RBM22: variants seen among roughly 807,000 people sequenced by gnomAD.
The protein encoded by RBM22 is pre-mRNA-splicing factor RBM22.
A neutral mutation model predicts 50.1 loss-of-function variants in RBM22; 1 was observed. That is an observed-to-expected ratio of 0.02 (90% CI 0.01 to 0.09). RBM22 has a LOEUF of 0.09. Ranked by LOEUF, RBM22 falls within the 10% of genes least tolerant of loss-of-function variation. RBM22 has a pLI of 1.00. For missense variants in RBM22, 264 were observed against 529.3 expected, an observed-to-expected ratio of 0.50 and a Z score of 4.92; for synonymous variants, 152 against 179.0, an observed-to-expected ratio of 0.85 and a Z score of 1.20.
rs549029246 is a variant in RBM22 at position 150,690,873 on chromosome 5, A to G, written c.*878T>C. 3 of 152,468 alleles carry G rather than the reference A, an allele frequency of 2.0e-5. No individual in the cohort carries two copies. The highest frequency in any genetic ancestry group is 7.2e-5 in the African/African-American group (3 of 41,562). The allele number at this position is 152,468 out of a possible 1,614,324, so 9.4% of individuals were successfully genotyped here. A position where few individuals can be genotyped will look rare whatever the true frequency, so the allele number is the denominator to read the frequency against. On this transcript the variant is annotated 3_prime_UTR_variant, in exon 11 of 11. Transcript: ENST00000199814. The stretch of plus-strand genomic sequence containing the variant: ...ACCATCTACAATTCAGTTATATCCA[A>G]ACACTCTAAGACCAAACAGAAGCAG...
Position 150,691,590 on chromosome 5 carries a change from C to CA in RBM22, c.*160dup. 2.4e-6 allele frequency: 2 copies of CA among 837,716 alleles called. No homozygotes were observed. Among genetic ancestry groups the CA allele is most frequent in the Non-Finnish European group, 3.4e-6 (2 of 595,904 alleles). 51.9% of individuals were successfully genotyped at this position (837,716 alleles called of 1,614,324 possible). ...ATTTACGGTCCATCGATCCTTTGAACAAGTATAGGAAAGCATGGCTGTCAG... is the reference window on the plus strand; with the variant it reads ...ATTTACGGTCCATCGATCCTTTGAACAAAGTATAGGAAAGCATGGCTGTCAG... On this transcript the variant is annotated 3_prime_UTR_variant, in exon 11 of 11. Coordinates refer to ENST00000199814, the MANE Select transcript of RBM22 (RefSeq NM_018047.3).
rs1325200280 is a variant in RBM22 at position 150,700,741 on chromosome 5, A to C, written c.54+191T>G. ...GGATGGAAAGGGTGCTGGTCCCGGG[A>C]CCCTGGCTAAGCCCCCTCCCTTCAA... On this transcript the variant is annotated intron_variant, in intron 1 of 10. Coordinates refer to ENST00000199814, the MANE Select transcript of RBM22 (RefSeq NM_018047.3). 3 of 1,538,966 alleles carry C rather than the reference A, an allele frequency of 1.9e-6. No individual in the cohort carries two copies. In the African/African-American group the frequency reaches 4.1e-5, roughly 21 times the overall value.
chr5:150,693,802 G>A (rs917235812), intron 8 of RBM22, among the ~76,000 whole-genome samples: 1 of 152,092 alleles, frequency 6.6e-6, no homozygotes, highest in Non-Finnish European at 1.5e-5. Context: ...ACCTTTCATG[G>A]CCTGGCATTA....
chr5:150,700,193 C>T lies in RBM22; in HGVS notation c.108+251G>A, dbSNP rs146955565. 3.7e-3 allele frequency among the ~76,000 whole-genome samples: 563 copies of T among 152,320 alleles called. 6 individuals are homozygous for T. The highest frequency in any genetic ancestry group is 0.013 in the African/African-American group (543 of 41,568). ...TATGAAAAGACACAAACGCTCTCAC[C>T]TTCTGGTCAACAGACCTATTTCCTA... On this transcript the variant is annotated intron_variant, in intron 2 of 10. Coordinates refer to ENST00000199814, the MANE Select transcript of RBM22 (RefSeq NM_018047.3).
At chr5:150,700,665 G>A (rs1436508883) in intron 1 of RBM22, 168 bp from the exon 2 acceptor site, 1 of 1,526,448 alleles carries the variant, frequency 6.6e-7, no homozygotes, top group Admixed American at 2.0e-5. Flanking sequence ...CTGCACTTCC[G>A]GCAGGCGGCG....
chr5:150,691,578 C>T lies in RBM22; in HGVS notation c.*173G>A, dbSNP rs1759209554. 5.3e-6 allele frequency: 4 copies of T among 754,912 alleles called. No homozygotes were observed. Among genetic ancestry groups the T allele is most frequent in the East Asian group, 3.0e-5 (1 of 33,034 alleles). 46.8% of individuals were successfully genotyped at this position (754,912 alleles called of 1,614,324 possible). Reference sequence around the variant, plus strand: ...TAATGGCAGCTTATTTACGGTCCATCGATCCTTTGAACAAGTATAGGAAAG... The same window carrying T: ...TAATGGCAGCTTATTTACGGTCCATTGATCCTTTGAACAAGTATAGGAAAG... On this transcript the variant is annotated 3_prime_UTR_variant, in exon 11 of 11. Coordinates refer to ENST00000199814, the MANE Select transcript of RBM22 (RefSeq NM_018047.3).
At position 150,690,940 on chromosome 5, in the gene RBM22, G is replaced by A. The variant is rs898980839; in HGVS notation, c.*811C>T. 1.3e-5 allele frequency: 2 copies of A among 152,334 alleles called. No homozygotes were observed. The highest frequency in any genetic ancestry group is 2.9e-5 in the Non-Finnish European group (2 of 68,048). The allele number at this position is 152,334 out of a possible 1,614,324, so 9.4% of individuals were successfully genotyped here. A position where few individuals can be genotyped will look rare whatever the true frequency, so the allele number is the denominator to read the frequency against. On this transcript the variant is annotated 3_prime_UTR_variant, in exon 11 of 11. Transcript: ENST00000199814. ...CTGAAGACACACGAAGGTGAATGCT[G>A]AAGACCATCAGAGTCCCAGCAGGAG...
chr5:150,696,429 A>G lies in RBM22; in HGVS notation c.545+104T>C. On this transcript the variant is annotated intron_variant, in intron 6 of 10. Transcript: ENST00000199814. The surrounding 1 kb of genome is among the most constrained non-coding windows in gnomAD (Gnocchi z 4.3). ...ACATGAGGTATACCACATTAGTTGT[A>G]TGACCTTTAGATTTTAAAGCAGAAA... 1.6e-6 allele frequency: 2 copies of G among 1,261,966 alleles called. No individual in the cohort carries two copies. The highest frequency in any genetic ancestry group is 1.5e-5 in the African/African-American group (1 of 66,670). The allele number at this position is 1,261,966 out of a possible 1,614,324, so 78.2% of individuals were successfully genotyped here.
chr5:150,700,753 C>T, intron 1 of RBM22, 179 bp downstream of exon 1: 2 of 1,542,928 alleles, frequency 1.3e-6, no homozygotes, highest in South Asian at 1.2e-5. Context: ...CCTGGCTAAG[C>T]CCCCTCCCTT....
In RBM22 at chr5:150,696,080, A is replaced by G. The variant is rs969959481; in HGVS notation, c.546-374T>C. On this transcript the variant is annotated intron_variant, in intron 6 of 10. Transcript: ENST00000199814. This position sits in a 1 kb window ranked among gnomAD's most constrained non-coding sequence, Gnocchi z 4.3. Reference sequence around the variant, plus strand: ...TGTATTCCACTGAGAATCTGATTAAAGCTATGAACCTCGCCCCAGAGAAAG... The same window carrying G: ...TGTATTCCACTGAGAATCTGATTAAGGCTATGAACCTCGCCCCAGAGAAAG... Among the ~76,000 whole-genome samples the G allele has an allele frequency of 4.0e-5, 6 of 151,222 alleles. No homozygotes were observed. Among genetic ancestry groups the G allele is most frequent in the African/African-American group, 1.5e-4 (6 of 41,038 alleles).
At chr5:150,695,758 T>G in intron 6 of RBM22, 52 bp from the exon 7 acceptor site, 10 of 1,450,858 alleles carry the variant, frequency 6.9e-6, no homozygotes, top group Non-Finnish European at 9.5e-6. Flanking sequence ...GGTGAAAAAA[T>G]GATTATCTTC....
At chr5:150,700,611 G>C in intron 1 of RBM22, 114 bp from the exon 2 acceptor site, 6 of 1,563,488 alleles carry the variant, frequency 3.8e-6, no homozygotes, top group Non-Finnish European at 5.2e-6. Context: ...GGCACGGCAG[G>C]AACCCGAAGT....
Position 150,698,711 on chromosome 5 carries a change from CAA to C in RBM22, c.139-82_139-81del, listed in dbSNP as rs1300768412. ...GGAGATCTGATAACAACGGGGCATT[CAA>C]AAAAGGATCCCTGAATGTAGGATTT... is the stretch of plus-strand genomic sequence containing the variant. On this transcript the variant is annotated intron_variant, in intron 3 of 10. Coordinates refer to ENST00000199814, the MANE Select transcript of RBM22 (RefSeq NM_018047.3). 9 of 1,506,804 alleles carry C rather than the reference CAA, an allele frequency of 6.0e-6. No homozygotes were observed. The South Asian group carries it at 1.2e-4, about 19-fold the overall frequency. The allele number at this position is 1,506,804 out of a possible 1,614,324, so 93.3% of individuals were successfully genotyped here.
At chr5:150,698,378 A>G in intron 4 of RBM22, 121 bp downstream of exon 4, 2 of 1,297,456 alleles carry the variant, frequency 1.5e-6, no homozygotes, top group Non-Finnish European at 2.1e-6. Flanking sequence ...AAAGCAGACC[A>G]CGGCAGACAT....
chr5:150,699,165 TTAGTAAGCTGAAGGC>T (rs1475908341), intron 3 of RBM22, 62 bp downstream of exon 3: 1 of 1,526,042 alleles, frequency 6.6e-7, no homozygotes, highest in Non-Finnish European at 8.8e-7. Context: ...ACCTCAAAAC[TTAGTAAGCTGAAGGC>T]TAATTTGGTA....
At position 150,701,041 on chromosome 5, in the gene RBM22, A is replaced by G; in HGVS notation, c.-56T>C. 1 of 1,609,856 alleles carries G rather than the reference A, an allele frequency of 6.2e-7. No individual in the cohort carries two copies. The highest frequency in any genetic ancestry group is 8.5e-7 in the Non-Finnish European group (1 of 1,176,260). Reference sequence around the variant, plus strand: ...CCGAATTGGGAGAGAGGACCGCCACAATCCCGTCAAGCCCCGAGGCTAGCG... The same window carrying G: ...CCGAATTGGGAGAGAGGACCGCCACGATCCCGTCAAGCCCCGAGGCTAGCG... On this transcript the variant is annotated 5_prime_UTR_variant, in exon 1 of 11. Transcript: ENST00000199814.
chr5:150,696,796 T>G lies in RBM22; in HGVS notation c.367A>C (p.Arg123=). ...TCCAAAAAGTGGCAGCATACCTCTC[T>G]CTCCATATTCTGTGTATAGTACTCT... is the stretch of plus-strand genomic sequence containing the variant. ...NKEYYTQNME[R]EISNSDGTRP... is the part of the protein sequence containing the mutation. Residue 123 remains arginine (R), a synonymous_variant, in exon 5 of 11, where the codon AGA becomes CGA. Coordinates refer to ENST00000199814, the MANE Select transcript of RBM22 (RefSeq NM_018047.3). The surrounding 1 kb of genome is among the most constrained non-coding windows in gnomAD (Gnocchi z 4.3). 1 of 1,614,134 alleles carries G rather than the reference T, an allele frequency of 6.2e-7. No homozygotes were observed. Among genetic ancestry groups the G allele is most frequent in the South Asian group, 1.1e-5 (1 of 91,084 alleles).
At chr5:150,699,520 C>T (rs180750898) in intron 2 of RBM22, among the ~76,000 whole-genome samples, 28 of 152,360 alleles carry the variant, frequency 1.8e-4, no homozygotes, top group African/African-American at 6.7e-4. Context: ...GGCAGTGGCT[C>T]ACGCCTGTAA....
At chr5:150,700,826 C>T in intron 1 of RBM22, 106 bp downstream of exon 1, 3 of 1,608,266 alleles carry the variant, frequency 1.9e-6, no homozygotes, top group African/African-American at 1.3e-5. Flanking sequence ...GCCGCGCTGG[C>T]TCCTCCCCGG....
Sources: gnomAD v4.1 joint callset for allele counts (sites outside exome capture counted in the v4.1 genomes callset) on GRCh38, gnomAD v4.1.1 for gene constraint, Gnocchi (gnomAD v3.1) non-coding constraint, MANE v1.5 for transcripts, NCBI Gene and HGNC (gene_info 2026-07-23, HGNC 2026-07-21) for gene names.